BTBD9: variants seen among roughly 807,000 people sequenced by gnomAD.
BTBD9 encodes the protein BTB/POZ domain-containing protein 9.
BTBD9 carries 49 observed loss-of-function variants against 64.3 expected under a neutral mutation model. The ratio of observed to expected loss-of-function variants is 0.76; its 90% confidence interval spans 0.61 to 0.97. The LOEUF (loss-of-function observed/expected upper bound fraction) is 0.97, where lower values mean the gene tolerates loss of function less well. Among genes scored for constraint, BTBD9 ranks in the 50% least tolerant of loss-of-function variants. BTBD9 has a pLI of 0.00. For synonymous variants in BTBD9, 260 were observed against 274.7 expected, an observed-to-expected ratio of 0.95 and a Z score of 0.53; for missense variants, 598 against 762.1, an observed-to-expected ratio of 0.78 and a Z score of 2.53.
At chr6:38,208,589 A>C (rs183551368) in intron 9 of BTBD9, among the ~76,000 whole-genome samples, 2 of 152,228 alleles carry the variant, frequency 1.3e-5, no homozygotes, top group Admixed American at 1.3e-4. Flanking sequence ...ATCAGCCCGG[A>C]TCCTGTTTAT....
intron 6 of BTBD9, among the ~76,000 whole-genome samples, chr6:38,387,674 C>G (rs1766237007): frequency 6.6e-6 from 1 of 152,034 alleles, no homozygotes; most frequent in Non-Finnish European, 1.5e-5. Flanking sequence ...GAGTAATGGC[C>G]ACAAAATATA....
chr6:38,267,578 C>T (rs1472132357), intron 8 of BTBD9, among the ~76,000 whole-genome samples: 5 of 152,166 alleles, frequency 3.3e-5, no homozygotes, highest in African/African-American at 1.2e-4. Flanking sequence ...GCAGGGACCA[C>T]GCATGGCTAA....
chr6:38,238,104 G>C (rs1419655539), intron 9 of BTBD9, among the ~76,000 whole-genome samples: 2 of 152,212 alleles, frequency 1.3e-5, no homozygotes, highest in Non-Finnish European at 2.9e-5. Context: ...GCAGGACTTT[G>C]TCTCTTAAAA....
intron 6 of BTBD9, among the ~76,000 whole-genome samples, chr6:38,544,955 A>C (rs1774464349): frequency 7.1e-6 from 1 of 141,400 alleles, no homozygotes; most frequent in Admixed American, 7.2e-5. Flanking sequence ...AAAAAAAAAA[A>C]AGAAGACTGA....
At chr6:38,563,081 T>G (rs1166183921) in intron 6 of BTBD9, among the ~76,000 whole-genome samples, 1 of 152,204 alleles carries the variant, frequency 6.6e-6, no homozygotes, top group Non-Finnish European at 1.5e-5. Flanking sequence ...CTTTTCTTGC[T>G]GGCTATTCTT....
intron 6 of BTBD9, chr6:38,402,690 A>G (rs1318058190): frequency 1.6e-6 from 1 of 627,426 alleles, no homozygotes; most frequent in Non-Finnish European, 2.8e-6. Context: ...ACCTAAACAT[A>G]AGAGTCAAAA....
intron 6 of BTBD9, among the ~76,000 whole-genome samples, chr6:38,543,956 C>CA (rs1191747441): frequency 0.014 from 961 of 71,128 alleles, 10 homozygotes; most frequent in East Asian, 0.063. Flanking sequence ...GACTCCGTCT[C>CA]AAAAAAAAAA....
At chr6:38,352,250 G>A (rs1032067410) in intron 6 of BTBD9, among the ~76,000 whole-genome samples, 4 of 151,992 alleles carry the variant, frequency 2.6e-5, no homozygotes, top group East Asian at 1.9e-4. Flanking sequence ...GGTGGTGCAC[G>A]CCTGTAGTTC....
chr6:38,186,833 A>G (rs1761839592), intron 10 of BTBD9, among the ~76,000 whole-genome samples: 1 of 152,212 alleles, frequency 6.6e-6, no homozygotes, highest in Non-Finnish European at 1.5e-5. Flanking sequence ...AATACATTGC[A>G]GAGAATTTCC....
chr6:38,205,376 AG>A lies in BTBD9; in HGVS notation c.1563-12780del, dbSNP rs1406229816. Among the ~76,000 whole-genome samples, 4 of 152,178 alleles carry A rather than the reference AG, an allele frequency of 2.6e-5. 1 individual carries two copies. Among genetic ancestry groups the A allele is most frequent in the East Asian group, 3.9e-4 (2 of 5,194 alleles). ...ATCAGGTTCACATAAATTTTTCAAA[AG>A]CAACACTGGGGGTGAGAAGATAATA... On this transcript the variant is annotated intron_variant, in intron 9 of 10. Transcript: ENST00000481247.
chr6:38,616,270 T>A (rs1462267335), intron 1 of BTBD9, among the ~76,000 whole-genome samples: 1 of 152,200 alleles, frequency 6.6e-6, no homozygotes, highest in African/African-American at 2.4e-5. Flanking sequence ...ATTATAACCC[T>A]GCTGACACTT....
At chr6:38,387,395 G>A (rs900998320) in intron 6 of BTBD9, among the ~76,000 whole-genome samples, 1 of 152,092 alleles carries the variant, frequency 6.6e-6, no homozygotes, top group African/African-American at 2.4e-5. Flanking sequence ...AAATTAGCCG[G>A]GTGTAGTGGC....
At chr6:38,588,232 C>T in intron 4 of BTBD9, 1 of 1,044,816 alleles carries the variant, frequency 9.6e-7, no homozygotes. Context: ...ACTACCCAGG[C>T]ACCAGCTCCT....
At chr6:38,207,944 A>G (rs1762713311) in intron 9 of BTBD9, among the ~76,000 whole-genome samples, 1 of 152,158 alleles carries the variant, frequency 6.6e-6, no homozygotes, top group Non-Finnish European at 1.5e-5. Flanking sequence ...TTGTGGTTTT[A>G]CTTCACTCTC....
chr6:38,410,542 T>C (rs1177062486), intron 6 of BTBD9, among the ~76,000 whole-genome samples: 2 of 152,228 alleles, frequency 1.3e-5, no homozygotes, highest in Non-Finnish European at 2.9e-5. Context: ...TAGCATTTTT[T>C]ATTCCATGAA....
chr6:38,187,621 G>A (rs1209864266), intron 10 of BTBD9, among the ~76,000 whole-genome samples: 1 of 152,144 alleles, frequency 6.6e-6, no homozygotes. Context: ...GACGACAGAA[G>A]CACACAGTGG....
Position 38,226,334 on chromosome 6 carries a change from G to A in BTBD9, c.1562+30075C>T, listed in dbSNP as rs180823233. Among the ~76,000 whole-genome samples the A allele has an allele frequency of 2.2e-3, 339 of 152,284 alleles. 2 individuals are homozygous for A. Among genetic ancestry groups the A allele is most frequent in the African/African-American group, 7.9e-3 (328 of 41,546 alleles). On this transcript the variant is annotated intron_variant, in intron 9 of 10. Coordinates refer to ENST00000481247, the MANE Select transcript of BTBD9 (RefSeq NM_001099272.2). The stretch of plus-strand genomic sequence containing the variant: ...GCCACCCTTCTCAAGACAGAACAGG[G>A]AACCAGGCAGGACTCAGCAGCTCTT...
chr6:38,420,766 G>A (rs561337620), intron 6 of BTBD9, among the ~76,000 whole-genome samples: 1 of 152,038 alleles, frequency 6.6e-6, no homozygotes, highest in Non-Finnish European at 1.5e-5. Context: ...CGAGGCAGGA[G>A]AATCACTTGA....
At position 38,604,926 on chromosome 6, in the gene BTBD9, A is replaced by G. The variant is rs1230415311; in HGVS notation, c.-27-6805T>C. On this transcript the variant is annotated intron_variant, in intron 1 of 10. Coordinates refer to ENST00000481247, the MANE Select transcript of BTBD9 (RefSeq NM_001099272.2). The stretch of plus-strand genomic sequence containing the variant: ...GCTATGTTGCCCAGGCTAGACTCTT[A>G]GGCTCAAGTGCTTTTCCCGCCTTAG... Among the ~76,000 whole-genome samples, 5 of 152,304 alleles carry G rather than the reference A, an allele frequency of 3.3e-5. No individual in the cohort carries two copies. The South Asian group carries it at 1.0e-3, about 32-fold the overall frequency.
Sources: allele counts gnomAD v4.1 joint callset (sites outside exome capture counted in the v4.1 genomes callset), GRCh38; gene constraint gnomAD v4.1.1; transcripts MANE v1.5; gene names NCBI Gene and HGNC (gene_info 2026-07-23, HGNC 2026-07-21).